Variants in KDM4C observed in about 807,000 individuals in gnomAD.
KDM4C encodes lysine-specific demethylase 4C.
Under a neutral mutation model 129.3 loss-of-function variants are expected in KDM4C, and 81 were observed. The ratio of observed to expected loss-of-function variants is 0.63; its 90% CI spans 0.52 to 0.75. KDM4C has a LOEUF of 0.75. Among genes scored for constraint, KDM4C ranks in the 30% least tolerant of loss-of-function variants. The pLI is 0.00. For missense variants in KDM4C, 1,457 were observed against 1,304.0 expected (o/e 1.12, Z -1.81); for synonymous variants, 573 against 456.1 (o/e 1.26, Z -3.26).
rs533488103 is a variant in KDM4C at position 6,785,995 on chromosome 9, G to C, written c.-17-6977G>C. 2.6e-5 allele frequency among the ~76,000 whole-genome samples: 4 copies of C among 152,288 alleles called. No individual in the cohort carries two copies. In the East Asian group the frequency reaches 5.8e-4, roughly 22 times the overall value. On this transcript the variant is annotated intron_variant, in intron 1 of 21. Transcript: ENST00000381309. The stretch of plus-strand genomic sequence containing the variant: ...CTGTGAGTGCTTAGGTTCCTAGAGG[G>C]CTGTGTTTTAAAGTAGATACTGAAC...
intron 8 of KDM4C, among the ~76,000 whole-genome samples, chr9:6,969,815 A>G (rs905198802): frequency 9.2e-5 from 14 of 152,222 alleles, no homozygotes; most frequent in Admixed American, 5.2e-4. Context: ...ATTCTGCCTA[A>G]GCTGGTCCTA....
intron 1 of KDM4C, among the ~76,000 whole-genome samples, chr9:6,751,566 A>T (rs1818064897): frequency 6.6e-6 from 1 of 152,188 alleles, no homozygotes; most frequent in Non-Finnish European, 1.5e-5. Context: ...TTGTGGCTAC[A>T]TTTTACAATT....
intron 8 of KDM4C, among the ~76,000 whole-genome samples, chr9:6,942,282 A>AGTGTGTGT (rs58676459): frequency 0.051 from 7,320 of 142,568 alleles, 235 homozygotes; most frequent in East Asian, 0.15. Flanking sequence ...TAGCCCTCAA[A>AGTGTGTGT]GTGTGTGTGT....
chr9:6,988,670 A>G (rs1391440688), intron 11 of KDM4C, among the ~76,000 whole-genome samples: 1 of 151,448 alleles, frequency 6.6e-6, no homozygotes, highest in Non-Finnish European at 1.5e-5. Flanking sequence ...CCATCCATCC[A>G]TCCATCCATC....
chr9:7,016,131 T>C (rs1485867008), intron 15 of KDM4C, among the ~76,000 whole-genome samples: 1 of 148,286 alleles, frequency 6.7e-6, no homozygotes, highest in African/African-American at 2.6e-5. Context: ...AAATTTATTT[T>C]CTTTTTTTTT....
chr9:7,023,707 T>A (rs1243696268), intron 15 of KDM4C, among the ~76,000 whole-genome samples: 1 of 152,200 alleles, frequency 6.6e-6, no homozygotes, highest in Non-Finnish European at 1.5e-5. Context: ...TGTAGTTTTT[T>A]AAGATGCATT....
chr9:7,128,693 A>G (rs1840286959), intron 19 of KDM4C, among the ~76,000 whole-genome samples: 1 of 152,204 alleles, frequency 6.6e-6, no homozygotes, highest in African/African-American at 2.4e-5. Context: ...GATATTCCAC[A>G]TGGGAGTAAC....
rs77816886 is a variant in KDM4C, at chr9:7,049,862, A to C, written c.2424+662A>C. ...GCAGATCCTTAGTTTAGGCCCTTAT[A>C]TTGCATACCTAATTAGAACTTTCCC... On this transcript the variant is annotated intron_variant, in intron 17 of 21. Coordinates refer to ENST00000381309, the MANE Select transcript of KDM4C (RefSeq NM_015061.6). 6.5e-3 allele frequency among the ~76,000 whole-genome samples: 985 copies of C among 152,182 alleles called. 6 individuals carry two copies. Among genetic ancestry groups the C allele is most frequent in the Non-Finnish European group, 0.011 (720 of 67,984 alleles).
chr9:6,960,097 A>T (rs1034593153), intron 8 of KDM4C, among the ~76,000 whole-genome samples: 1 of 151,834 alleles, frequency 6.6e-6, no homozygotes, highest in African/African-American at 2.4e-5. Flanking sequence ...TTAGGGGTCA[A>T]GACCTTCCCA....
chr9:6,955,056 C>G (rs554097215), intron 8 of KDM4C, among the ~76,000 whole-genome samples: 2 of 152,188 alleles, frequency 1.3e-5, no homozygotes, highest in African/African-American at 2.4e-5. Context: ...GGCTAGACCC[C>G]TCTTCCTCCC....
At chr9:6,997,010 T>C (rs1392297630) in intron 12 of KDM4C, among the ~76,000 whole-genome samples, 1 of 149,552 alleles carries the variant, frequency 6.7e-6, no homozygotes, top group Admixed American at 6.8e-5. Context: ...GCACAAAGGA[T>C]AATATCTCTC....
intron 1 of KDM4C, among the ~76,000 whole-genome samples, chr9:6,734,314 G>A (rs1817451712): frequency 3.5e-5 from 3 of 86,062 alleles, no homozygotes; most frequent in African/African-American, 1.6e-4. Flanking sequence ...TTTTTTTTTA[G>A]ATGGAGTTTC....
intron 1 of KDM4C, among the ~76,000 whole-genome samples, chr9:6,740,664 G>A (rs147834243): frequency 4.6e-5 from 7 of 151,938 alleles, no homozygotes; most frequent in Non-Finnish European, 1.0e-4. Context: ...GATTACAGGC[G>A]CGCGCCACCA....
intron 15 of KDM4C, among the ~76,000 whole-genome samples, chr9:7,038,842 A>T: frequency 6.6e-6 from 1 of 151,344 alleles, no homozygotes; most frequent in African/African-American, 2.4e-5. Context: ...TTCCTTTTTC[A>T]TTTTCTTTAT....
rs866918530 is a variant in KDM4C at position 6,729,353 on chromosome 9, C to T, written c.49+8356C>T. On this transcript the variant is annotated intron_variant, in intron 1 of 17. Transcript: ENST00000536108. Reference sequence around the variant, plus strand: ...TACAGGAGTTCAAGACCAGCCTGGGCAAATGGTGAAACCCTATCCCTACTA... The same window carrying T: ...TACAGGAGTTCAAGACCAGCCTGGGTAAATGGTGAAACCCTATCCCTACTA... 4.6e-5 allele frequency among the ~76,000 whole-genome samples: 6 copies of T among 131,324 alleles called. 1 individual carries two copies. The highest frequency in any genetic ancestry group is 2.0e-4 in the African/African-American group (6 of 30,464). The allele number at this position is 131,324 out of a possible 152,430, so 86.2% of individuals were successfully genotyped here. A position where few individuals can be genotyped will look rare whatever the true frequency, so the allele number is the denominator to read the frequency against.
chr9:6,939,983 T>TTCCTTCCTTCCTTCCTTCCTTCCA (rs1825593396), intron 8 of KDM4C, among the ~76,000 whole-genome samples: 1 of 96,614 alleles, frequency 1.0e-5, no homozygotes, highest in Non-Finnish European at 2.3e-5. Context: ...CCTACCTTCC[T>TTCCTTCCTTCCTTCCTTCCTTCCA]TCCTTCCTTC....
intron 15 of KDM4C, among the ~76,000 whole-genome samples, chr9:7,037,877 A>C (rs1250711476): frequency 6.6e-6 from 1 of 152,116 alleles, no homozygotes; most frequent in African/African-American, 2.4e-5. Context: ...TTGGCTGACT[A>C]GCAGTATAGC....
At chr9:6,773,936 T>C (rs1406544647) in intron 1 of KDM4C, among the ~76,000 whole-genome samples, 1 of 151,968 alleles carries the variant, frequency 6.6e-6, no homozygotes, top group Non-Finnish European at 1.5e-5. Flanking sequence ...TATTTATTTG[T>C]TTATTTATTT....
At chr9:6,926,341 T>A (rs1289411436) in intron 8 of KDM4C, among the ~76,000 whole-genome samples, 9 of 107,384 alleles carry the variant, frequency 8.4e-5, no homozygotes, top group Admixed American at 1.8e-4. Flanking sequence ...AGATAATTTG[T>A]AAAAAAAAAA....
Sources: allele counts gnomAD v4.1 joint callset (sites outside exome capture counted in the v4.1 genomes callset), GRCh38; gene constraint gnomAD v4.1.1; transcripts MANE v1.5; gene names NCBI Gene and HGNC (gene_info 2026-07-23, HGNC 2026-07-21).